The following MPP4 variants were observed in gnomAD, a reference collection of about 807,000 sequenced individuals.
MPP4 encodes MAGUK p55 subfamily member 4.
Under a neutral mutation model 98.3 loss-of-function variants are expected in MPP4, and 91 were observed. The observed-to-expected ratio is 0.93, with a 90% CI of 0.78 to 1.10. The LOEUF (loss-of-function observed/expected upper bound fraction) is 1.10. Ranked by LOEUF, MPP4 falls within the 50% of genes least tolerant of loss-of-function variation. MPP4 has a pLI of 0.00. For missense variants in MPP4, 744 were observed against 792.9 expected (o/e 0.94, Z 0.74); for synonymous variants, 261 against 271.8 (o/e 0.96, Z 0.39).
chr2:201,656,926 C>T (rs1282603772), intron 16 of MPP4, among the ~76,000 whole-genome samples: 1 of 152,210 alleles, frequency 6.6e-6, no homozygotes, highest in Admixed American at 6.5e-5. Context: ...GCCTGTATAG[C>T]TGCAGGGCGG....
intron 5 of MPP4, 104 bp downstream of exon 5, chr2:201,687,187 G>T: frequency 1.1e-6 from 1 of 949,720 alleles, no homozygotes; most frequent in Admixed American, 2.1e-5. Context: ...TACAGTAATA[G>T]AACATCTATT....
At chr2:201,663,941 T>C in intron 14 of MPP4, 140 bp downstream of exon 14, 2 of 428,950 alleles carry the variant, frequency 4.7e-6, no homozygotes, top group South Asian at 1.4e-4. Context: ...GTTGACAACA[T>C]GATGTGGGAT....
intron 11 of MPP4, chr2:201,674,978 C>G (rs1269802657): frequency 1.5e-6 from 1 of 660,556 alleles, no homozygotes; most frequent in East Asian, 2.9e-5. Context: ...CGTCTCTGAT[C>G]CAACCAATCA....
At chr2:201,672,772 C>CA (rs145673363) in intron 11 of MPP4, among the ~76,000 whole-genome samples, 147,144 of 151,566 alleles carry the variant, frequency 0.97, 71,572 homozygotes, top group East Asian at 1. Context: ...GCCTACCAAC[C>CA]AAAAAAAAGC....
At position 201,682,926 on chromosome 2, in the gene MPP4, C is replaced by G. The variant is rs767470113; in HGVS notation, c.575-10G>C. On this transcript the variant is annotated splice_polypyrimidine_tract_variant and intron_variant, in intron 7 of 21. Transcript: ENST00000409474. ...CCAGCATATAGCAACCCTAGGCAGACAGTAACAAAAAACAAAGAAAGATAC... is the reference window on the plus strand; with the variant it reads ...CCAGCATATAGCAACCCTAGGCAGAGAGTAACAAAAAACAAAGAAAGATAC... 5 of 1,609,800 alleles carry G rather than the reference C, an allele frequency of 3.1e-6. No homozygotes were observed. Among genetic ancestry groups the G allele is most frequent in the Non-Finnish European group, 4.2e-6 (5 of 1,177,106 alleles).
chr2:201,666,050 T>C, intron 13 of MPP4: 1 of 269,418 alleles, frequency 3.7e-6, no homozygotes, highest in Non-Finnish European at 7.0e-6. Context: ...TTTCCAAGTG[T>C]TCTACCATCG....
chr2:201,670,536 G>T (rs1002868576), intron 11 of MPP4, among the ~76,000 whole-genome samples: 6 of 152,072 alleles, frequency 3.9e-5, no homozygotes, highest in African/African-American at 1.4e-4. Flanking sequence ...CTTCTAGAAA[G>T]TCTAATATAA....
intron 2 of MPP4, 145 bp from the exon 3 acceptor site, chr2:201,693,174 T>C (rs1574640555): frequency 1.1e-6 from 1 of 916,370 alleles, no homozygotes. Context: ...CTTCAAGCCC[T>C]GTTCCACCTC....
chr2:201,690,223 A>C lies in MPP4; in HGVS notation c.258T>G (p.His86Gln). The C allele has an allele frequency of 6.2e-7, 1 of 1,609,480 alleles. No individual in the cohort carries two copies. The highest frequency in any genetic ancestry group is 8.5e-7 in the Non-Finnish European group (1 of 1,177,676). Residue 86 changes from histidine to glutamine, a missense_variant, in exon 4 of 22, where the codon CAT becomes CAG. Transcript: ENST00000409474. ...TTACCTCATAGGATAACACCTGTGC[A>C]TGTGGTGTGGCAGGAACTAGTTTCT... ...KEKKLVPATP[H>Q]AQVLSYEVVE...
Position 201,675,224 on chromosome 2 carries a change from C to T in MPP4, c.977G>A (p.Cys326Tyr), listed in dbSNP as rs1298138877. Residue 326 changes from cysteine (C) to tyrosine (Y), a missense_variant, in exon 11 of 22, where the codon TGC becomes TAC. Transcript: ENST00000409474. ...WWSQPYQPHT[C>Y]LKSTLSISME... ...ATACTCACATAGGGTTGACTTGAGG[C>T]AGGTGTGAGGCTGGTACGGCTGAGA... 2 of 1,609,154 alleles carry T rather than the reference C, an allele frequency of 1.2e-6. No homozygotes were observed. Among genetic ancestry groups the T allele is most frequent in the Admixed American group, 3.4e-5 (2 of 59,386 alleles).
intron 1 of MPP4, among the ~76,000 whole-genome samples, chr2:201,697,764 G>A (rs556451877): frequency 1.4e-4 from 22 of 152,140 alleles, no homozygotes; most frequent in Non-Finnish European, 2.9e-4. Context: ...GGGCAGAAGC[G>A]GATCTTAGAG....
chr2:201,653,764 C>T (rs1687782048), intron 18 of MPP4, among the ~76,000 whole-genome samples: 1 of 151,618 alleles, frequency 6.6e-6, no homozygotes, highest in Non-Finnish European at 1.5e-5. Context: ...CAGTATGAAA[C>T]AAATAATTCC....
intron 17 of MPP4, among the ~76,000 whole-genome samples, 188 bp from the exon 18 acceptor site, chr2:201,655,105 T>G (rs926631884): frequency 2.0e-5 from 3 of 152,230 alleles, no homozygotes; most frequent in African/African-American, 4.8e-5. Context: ...TAGTGACCCA[T>G]GGAGTAATCC....
At position 201,649,622 on chromosome 2, in the gene MPP4, G is replaced by C. The variant is rs758141689; in HGVS notation, c.1538C>G (p.Thr513Arg). 6.2e-7 allele frequency: 1 copy of C among 1,610,464 alleles called. No homozygotes were observed. The highest frequency in any genetic ancestry group is 8.5e-7 in the Non-Finnish European group (1 of 1,178,466). Residue 513 changes from threonine (T) to arginine (R), a missense_variant, in exon 20 of 22, where the codon ACA becomes AGA. Thr to Arg is a moderately conservative substitution (Grantham distance 71). Coordinates refer to ENST00000409474, the MANE Select transcript of MPP4 (RefSeq NM_033066.3). ...LYGTSVDAVQ[T>R]VLVEGKICVM... The stretch of plus-strand genomic sequence containing the variant: ...ACAGATCTTTCCTTCGACAAGGACT[G>C]TTTGAACAGCATCCACACTAGTGCC...
chr2:201,688,267 A>G (rs557394361), intron 4 of MPP4, among the ~76,000 whole-genome samples: 43 of 152,346 alleles, frequency 2.8e-4, no homozygotes, highest in African/African-American at 1.0e-3. Flanking sequence ...GTTTTAGGTG[A>G]TGCAAAAACA....
At chr2:201,658,346 GA>G in intron 16 of MPP4, 130 bp downstream of exon 16, 1 of 721,494 alleles carries the variant, frequency 1.4e-6, no homozygotes. Context: ...AGGACAGAAA[GA>G]AAAGGAAACT....
Position 201,664,074 on chromosome 2 carries a change from TAC to T in MPP4, c.1072+5_1072+6del. On this transcript the variant is annotated splice_donor_5th_base_variant and intron_variant, in intron 14 of 21. Coordinates refer to ENST00000409474, the MANE Select transcript of MPP4 (RefSeq NM_033066.3). Reference sequence around the variant, plus strand: ...AAATCAGTACCAAATACTCATTTTTTACTTACCAGATTCAAATGTTTCTTCAT... The same window carrying T: ...AAATCAGTACCAAATACTCATTTTTTTTACCAGATTCAAATGTTTCTTCAT... 6.6e-7 allele frequency: 1 copy of T among 1,515,578 alleles called. No homozygotes were observed. The allele number at this position is 1,515,578 out of a possible 1,614,324, so 93.9% of individuals were successfully genotyped here.
At chr2:201,684,745 T>C (rs997319086) in intron 7 of MPP4, among the ~76,000 whole-genome samples, 1 of 151,880 alleles carries the variant, frequency 6.6e-6, no homozygotes, top group Non-Finnish European at 1.5e-5. Flanking sequence ...GGTCGGGAGA[T>C]TGAGACCATC....
Position 201,645,387 on chromosome 2 carries a change from C to T in MPP4, c.1737G>A (p.Glu579=). The change falls in exon 22 of 22, where the codon GAG becomes GAA. Residue 579 remains glutamate, a synonymous_variant. Coordinates refer to ENST00000409474, the MANE Select transcript of MPP4 (RefSeq NM_033066.3). ...DMKFKDEDLQ[E]MENLAQRMET... is the part of the protein sequence containing the mutation. ...CCATTCTTTGGGCTAAATTTTCCAT[C>T]TCTTGTAGGTCTTCATCCTTTAGGA... is the stretch of plus-strand genomic sequence containing the variant. The T allele has an allele frequency of 1.2e-6, 2 of 1,613,914 alleles. No individual in the cohort carries two copies. Among genetic ancestry groups the T allele is most frequent in the Non-Finnish European group, 1.7e-6 (2 of 1,179,834 alleles).
Sources: allele counts gnomAD v4.1 joint callset (sites outside exome capture counted in the v4.1 genomes callset), GRCh38; gene constraint gnomAD v4.1.1; transcripts MANE v1.5; gene names NCBI Gene and HGNC (gene_info 2026-07-23, HGNC 2026-07-21).